UROC1: variants seen among roughly 807,000 people sequenced by gnomAD.
UROC1 encodes urocanate hydratase.
Under a neutral mutation model 89.5 loss-of-function variants are expected in UROC1, and 79 were observed. The ratio of observed to expected loss-of-function variants is 0.88; its 90% CI spans 0.74 to 1.06. The LOEUF (loss-of-function observed/expected upper bound fraction) is 1.06, where lower values mean the gene tolerates loss of function less well. Among genes scored for constraint, UROC1 ranks in the 50% least tolerant of loss-of-function variants. UROC1 has a pLI of 0.00. For missense variants in UROC1, 885 were observed against 907.8 expected (o/e 0.97, Z 0.32); for synonymous variants, 361 against 354.8 (o/e 1.02, Z -0.20).
rs202097588 is a variant in UROC1 at position 126,507,955 on chromosome 3, C to T, written c.540+12G>A. 2.0e-4 allele frequency: 320 copies of T among 1,613,778 alleles called. 2 individuals carry two copies. In the Middle Eastern group the frequency reaches 2.7e-3, roughly 14 times the overall value. The stretch of plus-strand genomic sequence containing the variant: ...CCCTGGGCAGGTGCTGTGCCACCTG[C>T]TGGGGACCCACCATCCCATTGGTGA... On this transcript the variant is annotated intron_variant, in intron 5 of 19. Coordinates refer to ENST00000290868, the MANE Select transcript of UROC1 (RefSeq NM_144639.3).
rs1023614067 is a variant in UROC1 at position 126,500,052 on chromosome 3, C to T, written c.1243+5G>A. 27 of 1,612,624 alleles carry T rather than the reference C, an allele frequency of 1.7e-5. No homozygotes were observed. Among genetic ancestry groups the T allele is most frequent in the Non-Finnish European group, 2.3e-5 (27 of 1,179,934 alleles). The stretch of plus-strand genomic sequence containing the variant: ...TCCCTCCTCCTCCCTCCTCCTTCCT[C>T]CTACCTGCTCTCTGGGCCTCCAAGA... On this transcript the variant is annotated splice_donor_5th_base_variant and intron_variant, in intron 12 of 19. Coordinates refer to ENST00000290868, the MANE Select transcript of UROC1 (RefSeq NM_144639.3).
chr3:126,495,475 A>C (rs1187569244), intron 15 of UROC1, among the ~76,000 whole-genome samples: 3 of 152,180 alleles, frequency 2.0e-5, no homozygotes, highest in Non-Finnish European at 4.4e-5. Flanking sequence ...CACGTGTGTC[A>C]GCACTCCCTT....
chr3:126,504,168 G>C (rs1400413525), intron 8 of UROC1, 85 bp from the exon 9 acceptor site: 1 of 1,397,708 alleles, frequency 7.2e-7, no homozygotes, highest in South Asian at 1.2e-5. Flanking sequence ...AACTAGGAAG[G>C]TGTCATCCCC....
rs896881301 is a variant in UROC1, at chr3:126,483,476, A to C, written c.1791-8T>G. ...CCGTTGATCACCTCACCCCTGCAGG[A>C]GGCAGAGGAGTTTCCAGTTCATTCC... On this transcript the variant is annotated splice_polypyrimidine_tract_variant and splice_region_variant and intron_variant, in intron 18 of 19. Transcript: ENST00000290868. 7 of 1,613,120 alleles carry C rather than the reference A, an allele frequency of 4.3e-6. No individual in the cohort carries two copies. The African/African-American group carries it at 5.3e-5, about 12-fold the overall frequency.
chr3:126,506,110 T>A, intron 6 of UROC1, 99 bp from the exon 7 acceptor site: 2 of 1,265,710 alleles, frequency 1.6e-6, no homozygotes, highest in Non-Finnish European at 2.3e-6. Context: ...AGTATTTAAC[T>A]ACCCAATAGG....
rs762714315 is a variant in UROC1, at chr3:126,503,964, C to T, written c.902+31G>A. 20 of 1,613,152 alleles carry T rather than the reference C, an allele frequency of 1.2e-5. No homozygotes were observed. In the African/African-American group the frequency reaches 2.4e-4, roughly 19 times the overall value. The stretch of plus-strand genomic sequence containing the variant: ...TCTCCTGCTGCCACGTGTCAGGTGT[C>T]AGGTGTCCGGAGTTGAGCTTGGAGC... On this transcript the variant is annotated intron_variant, in intron 9 of 19. Coordinates refer to ENST00000290868, the MANE Select transcript of UROC1 (RefSeq NM_144639.3).
chr3:126,490,725 G>A (rs1172101586), intron 16 of UROC1, among the ~76,000 whole-genome samples: 1 of 152,070 alleles, frequency 6.6e-6, no homozygotes, highest in Non-Finnish European at 1.5e-5. Flanking sequence ...AAAAAACAGA[G>A]TGAAGGAACT....
intron 3 of UROC1, among the ~76,000 whole-genome samples, chr3:126,509,066 A>T (rs911434610): frequency 6.6e-6 from 1 of 152,074 alleles, no homozygotes; most frequent in Non-Finnish European, 1.5e-5. Flanking sequence ...TATAGATTAC[A>T]TGTTAAAATA....
chr3:126,496,228 G>C lies in UROC1; in HGVS notation c.1439-120C>G, dbSNP rs1282326797. 6 of 1,008,474 alleles carry C rather than the reference G, an allele frequency of 5.9e-6. No individual in the cohort carries two copies. The East Asian group carries it at 1.6e-4, about 26-fold the overall frequency. 62.5% of individuals were successfully genotyped at this position (1,008,474 alleles called of 1,614,324 possible). ...GCCCACCACTGAGCTAGGACACAAG[G>C]TGAGGGAGCCCACCCCACCCCACCC... On this transcript the variant is annotated intron_variant, in intron 14 of 19. Coordinates refer to ENST00000290868, the MANE Select transcript of UROC1 (RefSeq NM_144639.3).
chr3:126,494,109 G>A (rs868613306), intron 15 of UROC1, among the ~76,000 whole-genome samples: 1 of 152,252 alleles, frequency 6.6e-6, no homozygotes, highest in Middle Eastern at 3.4e-3. Flanking sequence ...AAATTGGTGA[G>A]GAACTGACAT....
At chr3:126,487,712 C>G (rs1197295795) in intron 18 of UROC1, among the ~76,000 whole-genome samples, 1 of 152,236 alleles carries the variant, frequency 6.6e-6, no homozygotes, top group Non-Finnish European at 1.5e-5. Context: ...AGGGGCAGAG[C>G]TGGGAGCCGA....
At chr3:126,510,907 A>G in intron 1 of UROC1, 113 bp from the exon 2 acceptor site, 22 of 1,462,646 alleles carry the variant, frequency 1.5e-5, no homozygotes, top group Non-Finnish European at 1.9e-5. Flanking sequence ...TCCACTCAGA[A>G]GCCTGTTGCC....
intron 18 of UROC1, among the ~76,000 whole-genome samples, chr3:126,484,249 C>A (rs1935459887): frequency 6.6e-6 from 1 of 152,186 alleles, no homozygotes; most frequent in Non-Finnish European, 1.5e-5. Flanking sequence ...AGCTCTGCTG[C>A]TGCTTCCATG....
chr3:126,500,769 C>T lies in UROC1; in HGVS notation c.1071G>A (p.Val357=). 1.2e-6 allele frequency: 2 copies of T among 1,614,112 alleles called. No homozygotes were observed. The highest frequency in any genetic ancestry group is 1.7e-6 in the Non-Finnish European group (2 of 1,180,036). The change falls in exon 11 of 20, where the codon GTG becomes GTA. Residue 357 remains valine (V), a synonymous_variant. Transcript: ENST00000290868. ...TCTGGGCCTCCGTGAAGCTGAGCTG[C>T]ACAGGGTAGTAGCCGCCATTGAACG... is the stretch of plus-strand genomic sequence containing the variant. ...HNPFNGGYYP[V]QLSFTEAQSL...
At chr3:126,489,856 C>G (rs1323651062) in intron 16 of UROC1, among the ~76,000 whole-genome samples, 3 of 152,142 alleles carry the variant, frequency 2.0e-5, no homozygotes, top group African/African-American at 7.2e-5. Context: ...GGACGCAACC[C>G]CATTGTATGT....
intron 1 of UROC1, among the ~76,000 whole-genome samples, chr3:126,513,032 G>A (rs1453365939): frequency 2.6e-5 from 4 of 152,200 alleles, no homozygotes; most frequent in East Asian, 1.9e-4. Flanking sequence ...ACTCTGCCTC[G>A]GGCATCAGGG....
chr3:126,482,624 C>G, intron 19 of UROC1, 139 bp from the exon 20 acceptor site: 1 of 1,273,336 alleles, frequency 7.9e-7, no homozygotes, highest in Non-Finnish European at 1.1e-6. Flanking sequence ...TGTGTCTGCC[C>G]CATTTCCACC....
At chr3:126,510,836 A>G in intron 1 of UROC1, 42 bp from the exon 2 acceptor site, 1 of 1,603,842 alleles carries the variant, frequency 6.2e-7, no homozygotes. Context: ...CTGGGACTCC[A>G]GGCCCGGTGT....
chr3:126,494,185 C>A (rs763228907), intron 15 of UROC1, among the ~76,000 whole-genome samples: 2 of 152,166 alleles, frequency 1.3e-5, no homozygotes, highest in African/African-American at 2.4e-5. Flanking sequence ...TAAAAGGCAA[C>A]CTTCTGCAGT....
Sources: gnomAD v4.1 joint callset for allele counts (sites outside exome capture counted in the v4.1 genomes callset) on GRCh38, gnomAD v4.1.1 for gene constraint, MANE v1.5 for transcripts, NCBI Gene and HGNC (gene_info 2026-07-23, HGNC 2026-07-21) for gene names.